The following HBS1L variants were observed in gnomAD, a reference collection of about 807,000 sequenced individuals.
HBS1L encodes HBS1 like translational GTPase.
HBS1L carries 55 observed loss-of-function variants against 88.9 expected under a neutral mutation model. The ratio of observed to expected loss-of-function variants is 0.62; its 90% CI spans 0.50 to 0.77. The LOEUF (loss-of-function observed/expected upper bound fraction) is 0.77. HBS1L is among the 30% of genes least tolerant of loss of function. The pLI, the probability that HBS1L is intolerant of heterozygous loss-of-function variation, is 0.00. For missense variants in HBS1L, 741 were observed against 829.3 expected (o/e 0.89, Z 1.31); for synonymous variants, 267 against 288.5 (o/e 0.93, Z 0.76).
At chr6:135,010,936 C>T (rs571056783) in intron 4 of HBS1L, among the ~76,000 whole-genome samples, 2 of 152,052 alleles carry the variant, frequency 1.3e-5, no homozygotes, top group East Asian at 3.9e-4. Context: ...TAGGAATTAA[C>T]AGGAATTAAG....
At chr6:135,023,077 G>A (rs1435624694) in intron 4 of HBS1L, among the ~76,000 whole-genome samples, 1 of 151,804 alleles carries the variant, frequency 6.6e-6, no homozygotes, top group Non-Finnish European at 1.5e-5. Flanking sequence ...AATTGTTTAT[G>A]GCTGTTCTTT....
intron 15 of HBS1L, among the ~76,000 whole-genome samples, chr6:134,976,707 C>T (rs1774657982): frequency 6.6e-6 from 1 of 151,942 alleles, no homozygotes; most frequent in African/African-American, 2.4e-5. Context: ...GCTATGGGTA[C>T]ACAAAGACAT....
chr6:135,052,300 T>C (rs1777109946), intron 1 of HBS1L, among the ~76,000 whole-genome samples: 2 of 152,212 alleles, frequency 1.3e-5, no homozygotes, highest in African/African-American at 2.4e-5. Flanking sequence ...TTTTTAGATA[T>C]TGAAGACAAC....
At chr6:135,035,895 A>T in intron 4 of HBS1L, 1 of 669,016 alleles carries the variant, frequency 1.5e-6, no homozygotes, top group Non-Finnish European at 1.8e-6. Context: ...TAAAGTGTAT[A>T]CTTAGGACAA....
intron 9 of HBS1L, among the ~76,000 whole-genome samples, chr6:134,987,122 T>C (rs998461111): frequency 6.6e-6 from 1 of 152,054 alleles, no homozygotes; most frequent in Non-Finnish European, 1.5e-5. Flanking sequence ...GTTTAATAAA[T>C]TACATCTTTA....
At chr6:135,016,047 C>T (rs138401834) in intron 4 of HBS1L, among the ~76,000 whole-genome samples, 3,681 of 151,912 alleles carry the variant, frequency 0.024, 166 homozygotes, top group African/African-American at 0.085. Flanking sequence ...CCACCATGCC[C>T]GGCTAATTTT....
At chr6:134,974,698 A>G (rs1774593100) in intron 15 of HBS1L, among the ~76,000 whole-genome samples, 1 of 152,142 alleles carries the variant, frequency 6.6e-6, no homozygotes, top group Admixed American at 6.5e-5. Flanking sequence ...AAAGCACTAG[A>G]TAAAATCCAG....
At chr6:134,982,716 A>G in intron 12 of HBS1L, 154 bp from the exon 13 acceptor site, 1 of 438,176 alleles carries the variant, frequency 2.3e-6, no homozygotes, top group Non-Finnish European at 4.1e-6. Context: ...TCTACTAAAT[A>G]TGGCATACCA....
chr6:134,995,689 A>T (rs1775269473), intron 7 of HBS1L, among the ~76,000 whole-genome samples: 1 of 151,850 alleles, frequency 6.6e-6, no homozygotes, highest in African/African-American at 2.4e-5. Flanking sequence ...GTGCTTGTTA[A>T]ACTGAGAGGT....
intron 3 of HBS1L, among the ~76,000 whole-genome samples, chr6:135,040,563 C>A (rs1250639257): frequency 2.0e-5 from 3 of 151,958 alleles, no homozygotes; most frequent in Admixed American, 6.6e-5. Flanking sequence ...GTTGTCCAGG[C>A]TGGCCTCAAA....
chr6:134,996,738 TATG>T (rs774941396), intron 7 of HBS1L, 36 bp downstream of exon 7: 2 of 1,471,028 alleles, frequency 1.4e-6, no homozygotes, highest in Non-Finnish European at 1.8e-6. Flanking sequence ...TAGAAGACTG[TATG>T]ATTTCAAACT....
chr6:134,986,705 G>A lies in HBS1L; in HGVS notation c.1305+31C>T, dbSNP rs750191056. ...ATACCAGTAAGATGACTTAAGGAAA[G>A]TAATAACAAATAAATCTAAAATGAT... is the stretch of plus-strand genomic sequence containing the variant. On this transcript the variant is annotated intron_variant, in intron 10 of 17. Coordinates refer to ENST00000367837, the MANE Select transcript of HBS1L (RefSeq NM_006620.4). 5.5e-6 allele frequency: 7 copies of A among 1,266,736 alleles called. No individual in the cohort carries two copies. The East Asian group carries it at 1.3e-4, about 23-fold the overall frequency. The allele number at this position is 1,266,736 out of a possible 1,614,324, so 78.5% of individuals were successfully genotyped here. A position where few individuals can be genotyped will look rare whatever the true frequency, so the allele number is the denominator to read the frequency against.
At chr6:135,034,404 G>C (rs1420402098) in intron 4 of HBS1L, among the ~76,000 whole-genome samples, 1 of 152,214 alleles carries the variant, frequency 6.6e-6, no homozygotes, top group Non-Finnish European at 1.5e-5. Flanking sequence ...AGCACTTCGG[G>C]AGGCCGAGGT....
At chr6:134,994,893 A>C (rs1330583137) in intron 7 of HBS1L, among the ~76,000 whole-genome samples, 1 of 152,104 alleles carries the variant, frequency 6.6e-6, no homozygotes, top group African/African-American at 2.4e-5. Context: ...TTTGCCCCAG[A>C]ATCACCCAAA....
intron 13 of HBS1L, among the ~76,000 whole-genome samples, chr6:134,981,733 A>T (rs1444650133): frequency 1.3e-5 from 2 of 151,946 alleles, no homozygotes; most frequent in African/African-American, 4.8e-5. Flanking sequence ...TGGAAGCCAG[A>T]ATAAAAGAGG....
chr6:135,032,826 ATAGT>A (rs1776425771), intron 4 of HBS1L, among the ~76,000 whole-genome samples: 1 of 151,680 alleles, frequency 6.6e-6, no homozygotes, highest in South Asian at 2.1e-4. Flanking sequence ...AACACTGACT[ATAGT>A]TATTAATACA....
intron 4 of HBS1L, among the ~76,000 whole-genome samples, chr6:135,007,603 C>T (rs1414393572): frequency 1.3e-5 from 2 of 152,172 alleles, no homozygotes; most frequent in Admixed American, 6.5e-5. Flanking sequence ...GAATACATTA[C>T]AAATTCCCCC....
At chr6:135,016,851 T>C (rs186214131) in intron 4 of HBS1L, among the ~76,000 whole-genome samples, 1 of 152,320 alleles carries the variant, frequency 6.6e-6, no homozygotes, top group East Asian at 1.9e-4. Context: ...ACATACTCTC[T>C]AACCCAGTGA....
chr6:134,993,061 T>C (rs1157941501), intron 8 of HBS1L, among the ~76,000 whole-genome samples: 1 of 152,224 alleles, frequency 6.6e-6, no homozygotes, highest in Non-Finnish European at 1.5e-5. Context: ...GCTTACAGTA[T>C]TCAATACAGT....
Sources: gnomAD v4.1 joint callset for allele counts (sites outside exome capture counted in the v4.1 genomes callset) on GRCh38, gnomAD v4.1.1 for gene constraint, MANE v1.5 for transcripts, NCBI Gene and HGNC (gene_info 2026-07-23, HGNC 2026-07-21) for gene names.